ZNF280D: variants seen among roughly 807,000 people sequenced by gnomAD.
The protein encoded by ZNF280D is suppressor of hairy wing homolog 4.
ZNF280D carries 39 observed loss-of-function variants against 94.7 expected under a neutral mutation model. That is an observed-to-expected ratio of 0.41 (90% CI 0.32 to 0.54). The LOEUF is 0.54. ZNF280D is among the 20% of genes least tolerant of loss of function. The probability of loss-of-function intolerance (pLI) is 0.22; values close to 1 mark genes in which losing one functional copy is unlikely to be tolerated. For synonymous variants in ZNF280D, 398 were observed against 377.6 expected (o/e 1.05, Z -0.63); for missense variants, 1,090 against 1,149.3 (o/e 0.95, Z 0.75).
chr15:56,670,113 A>G lies in ZNF280D; in HGVS notation c.1411-1156T>C, dbSNP rs371026193. ...ATGCACACACACATAATTATACAAC[A>G]TATAATTATAAAGGAATGCCTTATC... On this transcript the variant is annotated intron_variant, in intron 13 of 21. Coordinates refer to ENST00000267807, the MANE Select transcript of ZNF280D (RefSeq NM_017661.4). 2.4e-4 allele frequency among the ~76,000 whole-genome samples: 30 copies of G among 125,478 alleles called. No individual in the cohort carries two copies. The South Asian group carries it at 2.9e-3, about 12-fold the overall frequency. 82.3% of individuals were successfully genotyped at this position (125,478 alleles called of 152,430 possible). A position where few individuals can be genotyped will look rare whatever the true frequency, so the allele number is the denominator to read the frequency against.
At chr15:56,676,143 T>C (rs893945958) in intron 13 of ZNF280D, among the ~76,000 whole-genome samples, 3 of 152,078 alleles carry the variant, frequency 2.0e-5, no homozygotes, top group African/African-American at 7.2e-5. Context: ...TACTGATCAG[T>C]AAGTGTCATT....
At chr15:56,669,923 T>TA (rs1596434877) in intron 13 of ZNF280D, among the ~76,000 whole-genome samples, 1 of 7,874 alleles carries the variant, frequency 1.3e-4, no homozygotes, top group African/African-American at 3.9e-4. Flanking sequence ...ATTATATATA[T>TA]ATTATATATA....
chr15:56,707,708 AGTTTAT>A (rs2057494993), intron 1 of ZNF280D, among the ~76,000 whole-genome samples: 2 of 152,138 alleles, frequency 1.3e-5, no homozygotes, highest in African/African-American at 4.8e-5. Flanking sequence ...AACAAATTTT[AGTTTAT>A]ATCTTTCTGG....
intron 3 of ZNF280D, among the ~76,000 whole-genome samples, chr15:56,704,951 C>A (rs1448024897): frequency 6.6e-6 from 1 of 151,876 alleles, no homozygotes; most frequent in African/African-American, 2.4e-5. Flanking sequence ...CCACTGCATT[C>A]CAGCCAGGGG....
At chr15:56,667,820 T>C (rs754797502) in intron 14 of ZNF280D, among the ~76,000 whole-genome samples, 22 of 152,092 alleles carry the variant, frequency 1.4e-4, no homozygotes, top group Non-Finnish European at 2.8e-4. Flanking sequence ...ATCTATAACA[T>C]GGGGCAATAC....
intron 21 of ZNF280D, among the ~76,000 whole-genome samples, chr15:56,632,340 A>G (rs567068531): frequency 7.6e-4 from 115 of 152,240 alleles, no homozygotes; most frequent in Non-Finnish European, 1.2e-3. Context: ...CACATACTAA[A>G]AGATATCTAT....
chr15:56,650,785 T>C (rs1310540542), intron 19 of ZNF280D, among the ~76,000 whole-genome samples: 2 of 152,042 alleles, frequency 1.3e-5, no homozygotes, highest in African/African-American at 4.8e-5. Flanking sequence ...TCCATCCAGG[T>C]AGATATACAA....
rs756049667 is a variant in ZNF280D, at chr15:56,654,343, TA to T, written c.2176+41del. On this transcript the variant is annotated intron_variant, in intron 18 of 21. Coordinates refer to ENST00000267807, the MANE Select transcript of ZNF280D (RefSeq NM_017661.4). ...TTGTGGATGACCAAAAATACTGGAA[TA>T]AAAGTCAAAAATCTAAAGTAGCACA... The T allele has an allele frequency of 1.3e-5, 21 of 1,595,248 alleles. No homozygotes were observed. In the Admixed American group the frequency reaches 3.6e-4, roughly 28 times the overall value.
At chr15:56,684,432 C>G (rs920547624) in intron 9 of ZNF280D, among the ~76,000 whole-genome samples, 10 of 151,998 alleles carry the variant, frequency 6.6e-5, no homozygotes, top group Non-Finnish European at 1.3e-4. Context: ...CATAATGAAG[C>G]AACTGCCTCT....
intron 10 of ZNF280D, among the ~76,000 whole-genome samples, chr15:56,681,829 A>T (rs2055637825): frequency 6.6e-6 from 1 of 152,120 alleles, no homozygotes; most frequent in African/African-American, 2.4e-5. Flanking sequence ...TGTTCTAAAA[A>T]CTATAAATAT....
At chr15:56,705,371 GA>G (rs1373243493) in intron 3 of ZNF280D, among the ~76,000 whole-genome samples, 4 of 152,158 alleles carry the variant, frequency 2.6e-5, no homozygotes, top group Non-Finnish European at 5.9e-5. Flanking sequence ...CTTCTACCTA[GA>G]ATATCTTTCC....
At chr15:56,656,770 A>C (rs2053577468) in intron 17 of ZNF280D, among the ~76,000 whole-genome samples, 1 of 152,224 alleles carries the variant, frequency 6.6e-6, no homozygotes, top group African/African-American at 2.4e-5. Context: ...CAATATAGTG[A>C]GAGAACATAG....
intron 3 of ZNF280D, among the ~76,000 whole-genome samples, chr15:56,704,971 G>A (rs1462581868): frequency 6.6e-6 from 1 of 151,598 alleles, no homozygotes; most frequent in African/African-American, 2.4e-5. Flanking sequence ...GTGACAGATT[G>A]AGAGTATGTC....
intron 3 of ZNF280D, among the ~76,000 whole-genome samples, chr15:56,706,339 G>C (rs1025686109): frequency 6.6e-6 from 1 of 151,224 alleles, no homozygotes; most frequent in African/African-American, 2.4e-5. Context: ...TTAGCCAGGC[G>C]TGGTGGCGAG....
intron 1 of ZNF280D, among the ~76,000 whole-genome samples, chr15:56,718,271 T>C (rs1383854395): frequency 6.6e-6 from 1 of 152,126 alleles, no homozygotes; most frequent in African/African-American, 2.4e-5. Flanking sequence ...AGCTCAACAC[T>C]GAGAACAAAA....
intron 7 of ZNF280D, 101 bp downstream of exon 7, chr15:56,692,997 C>G: frequency 1.5e-6 from 1 of 660,866 alleles, no homozygotes; most frequent in Admixed American, 2.7e-5. Flanking sequence ...ATATGAAAAA[C>G]TTCACACAAG....
intron 6 of ZNF280D, chr15:56,699,262 A>T: frequency 4.1e-6 from 2 of 492,330 alleles, no homozygotes; most frequent in Non-Finnish European, 5.3e-6. Context: ...GCTCTCCTAT[A>T]GTTATTTAAT....
At chr15:56,670,850 TTTTTATCTTTTAATAATA>T (rs1483712972) in intron 13 of ZNF280D, among the ~76,000 whole-genome samples, 2 of 152,084 alleles carry the variant, frequency 1.3e-5, no homozygotes, top group Admixed American at 6.6e-5. Context: ...ATCTATTATT[TTTTTATCTTTTAATAATA>T]GCCATTCTGA....
intron 19 of ZNF280D, chr15:56,653,987 CAG>C: frequency 7.0e-7 from 1 of 1,421,774 alleles, no homozygotes; most frequent in Non-Finnish European, 9.2e-7. Context: ...GAAAACATCT[CAG>C]AACTTTGAAC....
Sources: gnomAD v4.1 joint callset for allele counts (sites outside exome capture counted in the v4.1 genomes callset) on GRCh38, gnomAD v4.1.1 for gene constraint, MANE v1.5 for transcripts, NCBI Gene and HGNC (gene_info 2026-07-23, HGNC 2026-07-21) for gene names.